The following VAC14 variants were observed in gnomAD, a reference collection of about 807,000 sequenced individuals.
VAC14 encodes protein VAC14 homolog.
In VAC14, 47 loss-of-function variants were observed where a neutral mutation model predicts 85.3. That is an observed-to-expected ratio of 0.55 (90% confidence interval 0.44 to 0.70). The LOEUF (loss-of-function observed/expected upper bound fraction) is 0.70. Among genes scored for constraint, VAC14 ranks in the 30% least tolerant of loss-of-function variants. VAC14 has a pLI of 0.00. For synonymous variants in VAC14, 447 were observed against 430.5 expected (o/e 1.04, Z -0.47); for missense variants, 861 against 1,004.3 (o/e 0.86, Z 1.93).
At chr16:70,703,405 TGGA>T (rs1430777611) in intron 14 of VAC14, among the ~76,000 whole-genome samples, 4 of 150,754 alleles carry the variant, frequency 2.7e-5, no homozygotes, top group Non-Finnish European at 5.9e-5. Context: ...ACCATGGGGC[TGGA>T]GGAGGGCAGG....
chr16:70,786,738 C>T (rs979412761), intron 1 of VAC14, among the ~76,000 whole-genome samples: 3 of 152,204 alleles, frequency 2.0e-5, no homozygotes, highest in Non-Finnish European at 2.9e-5. Flanking sequence ...CGCGTCTGAG[C>T]GACTATTTCC....
At chr16:70,726,301 G>A (rs1222596863) in intron 14 of VAC14, among the ~76,000 whole-genome samples, 2 of 152,238 alleles carry the variant, frequency 1.3e-5, no homozygotes, top group South Asian at 2.1e-4. Flanking sequence ...GAGCCGGGCC[G>A]GGCCGCTGGT....
chr16:70,768,425 G>A, intron 10 of VAC14: 1 of 180,426 alleles, frequency 5.5e-6, no homozygotes, highest in Non-Finnish European at 1.2e-5. Context: ...TCCTCAGCTG[G>A]CAAGCATGCT....
At chr16:70,798,227 ATCTTAAAGGG>A (rs2034629211) in intron 1 of VAC14, among the ~76,000 whole-genome samples, 2 of 140,396 alleles carry the variant, frequency 1.4e-5, no homozygotes, top group African/African-American at 6.6e-5. Flanking sequence ...GAAATAGGGT[ATCTTAAAGGG>A]GCAACTTACC....
At chr16:70,689,115 C>T (rs1005990283) in intron 18 of VAC14, 2 of 983,338 alleles carry the variant, frequency 2.0e-6, no homozygotes, top group African/African-American at 1.7e-5. Flanking sequence ...CTAGACAGAC[C>T]TGGACCCAAC....
Position 70,784,131 on chromosome 16 carries a change from C to T in VAC14, c.576G>A (p.Arg192=), listed in dbSNP as rs757747406. The change falls in exon 5 of 19, where the codon CGG becomes CGA. Residue 192 remains arginine, a synonymous_variant. Transcript: ENST00000261776. ...GCCTTACCCAGGAGATGATGAACTGCCGGGCATACTGGTTGTTGGAGTAAA... is the reference window on the plus strand; with the variant it reads ...GCCTTACCCAGGAGATGATGAACTGTCGGGCATACTGGTTGTTGGAGTAAA... ...ERIYSNNQYA[R]QFIISWILVL... 1 of 1,614,170 alleles carries T rather than the reference C, an allele frequency of 6.2e-7. No homozygotes were observed. Among genetic ancestry groups the T allele is most frequent in the Non-Finnish European group, 8.5e-7 (1 of 1,180,032 alleles).
In VAC14 at chr16:70,780,802, C is replaced by T. The variant is rs773817666; in HGVS notation, c.1084G>A (p.Gly362Ser). Residue 362 changes from glycine (G) to serine (S), a missense_variant, in exon 9 of 19, where the codon GGC becomes AGC. Physicochemically the swap from Gly to Ser is moderately conservative, Grantham distance 56. Transcript: ENST00000261776. Reference sequence around the variant, plus strand: ...GGAGTCCACTCACCACTGGCTGTGCCCTCCTGCTTTGGCAGGGCATCGTCA... The same window carrying T: ...GGAGTCCACTCACCACTGGCTGTGCTCTCCTGCTTTGGCAGGGCATCGTCA... The part of the protein sequence containing the change: ...TPDDALPKQE[G>S]TASGGPDGSC... The T allele has an allele frequency of 6.9e-6, 11 of 1,603,644 alleles. No individual in the cohort carries two copies. The highest frequency in any genetic ancestry group is 8.5e-6 in the Non-Finnish European group (10 of 1,173,516).
intron 12 of VAC14, chr16:70,748,060 C>A (rs771033774): frequency 5.9e-5 from 9 of 152,210 alleles, no homozygotes; most frequent in Non-Finnish European, 1.3e-4. Context: ...AGGATACACA[C>A]AAGGGAACTG....
At chr16:70,688,922 G>C (rs1415868853) in intron 18 of VAC14, 44 of 985,422 alleles carry the variant, frequency 4.5e-5, no homozygotes, top group Non-Finnish European at 5.2e-5. Context: ...TGGAGGAGCA[G>C]ATCCATGTGG....
At chr16:70,732,762 C>A (rs986016030) in intron 13 of VAC14, among the ~76,000 whole-genome samples, 4 of 152,012 alleles carry the variant, frequency 2.6e-5, no homozygotes, top group East Asian at 3.9e-4. Flanking sequence ...CTTGTCCCAG[C>A]CTCTTGAGTG....
intron 13 of VAC14, among the ~76,000 whole-genome samples, chr16:70,741,649 T>A (rs1284174589): frequency 6.6e-6 from 1 of 152,238 alleles, no homozygotes; most frequent in Non-Finnish European, 1.5e-5. Context: ...AAGCAAGAAG[T>A]GTGACTGGCT....
intron 1 of VAC14, among the ~76,000 whole-genome samples, chr16:70,787,098 G>T (rs144953316): frequency 6.6e-6 from 1 of 152,150 alleles, no homozygotes; most frequent in Non-Finnish European, 1.5e-5. Flanking sequence ...AAGATGAGCC[G>T]GTGAAAGTTT....
rs747768143 is a variant in VAC14 at position 70,762,205 on chromosome 16, T to G, written c.1371+335A>C. Among the ~76,000 whole-genome samples the G allele has an allele frequency of 7.1e-4, 108 of 152,088 alleles. 1 individual carries two copies. The highest frequency in any genetic ancestry group is 1.4e-3 in the Non-Finnish European group (95 of 68,006). ...TCACTGCAACCTCTGCCTCCTGGGT[T>G]CAAGCAATTCTCCCACCTCAACCTC... is the stretch of plus-strand genomic sequence containing the variant. On this transcript the variant is annotated intron_variant, in intron 12 of 18. Transcript: ENST00000261776. The surrounding 1 kb of genome is among the most constrained non-coding windows in gnomAD (Gnocchi z 4.1).
At chr16:70,798,694 A>C (rs1474921468) in intron 1 of VAC14, among the ~76,000 whole-genome samples, 3 of 152,180 alleles carry the variant, frequency 2.0e-5, no homozygotes, top group Non-Finnish European at 2.9e-5. Context: ...GATCTTGTTA[A>C]AATGCAGATT....
Position 70,752,614 on chromosome 16 carries a change from C to T in VAC14, c.1372-8035G>A, listed in dbSNP as rs547814560. Among the ~76,000 whole-genome samples the T allele has an allele frequency of 3.9e-5, 6 of 152,360 alleles. 1 individual carries two copies. Among genetic ancestry groups the T allele is most frequent in the African/African-American group, 1.4e-4 (6 of 41,590 alleles). ...GTCACCAGGAGATAAGCCTAGGGGC[C>T]ACGGCAGCCAGGAGAAGGCTCCTGC... On this transcript the variant is annotated intron_variant, in intron 12 of 18. Transcript: ENST00000261776.
At chr16:70,781,447 G>A (rs574926077) in intron 8 of VAC14, among the ~76,000 whole-genome samples, 30 of 152,312 alleles carry the variant, frequency 2.0e-4, no homozygotes, top group East Asian at 7.7e-4. Flanking sequence ...GAGCTCAGTC[G>A]TCTCAGGGCT....
intron 18 of VAC14, chr16:70,689,492 G>A: frequency 1.0e-6 from 1 of 985,406 alleles, no homozygotes. Context: ...CAGCCTGCTG[G>A]GCAGGACCAG....
chr16:70,790,008 C>A (rs558449345), intron 1 of VAC14, among the ~76,000 whole-genome samples: 6 of 152,330 alleles, frequency 3.9e-5, no homozygotes, highest in Non-Finnish European at 7.4e-5. Context: ...CCCCGAGCAA[C>A]TGGACAGGAG....
chr16:70,736,927 A>G (rs2054774098), intron 13 of VAC14, among the ~76,000 whole-genome samples: 1 of 152,064 alleles, frequency 6.6e-6, no homozygotes, highest in Non-Finnish European at 1.5e-5. Context: ...CAGGGATGGG[A>G]AAGGCCTCAG....
Sources: allele counts gnomAD v4.1 joint callset (sites outside exome capture counted in the v4.1 genomes callset), GRCh38; gene constraint gnomAD v4.1.1; non-coding constraint Gnocchi (gnomAD v3.1); transcripts MANE v1.5; gene names NCBI Gene and HGNC (gene_info 2026-07-23, HGNC 2026-07-21).